Variants in GABPB1 observed in about 807,000 individuals in gnomAD.
GABPB1 encodes the protein GA-binding protein subunit beta-1.
Under a neutral mutation model 45.9 loss-of-function variants are expected in GABPB1, and 15 were observed. That is an observed-to-expected ratio of 0.33 (90% CI 0.22 to 0.50). The LOEUF (loss-of-function observed/expected upper bound fraction) is 0.50, where lower values mean the gene tolerates loss of function less well. Among genes scored for constraint, GABPB1 ranks in the 20% least tolerant of loss-of-function variants. The pLI is 0.98. For synonymous variants in GABPB1, 143 were observed against 154.4 expected, an observed-to-expected ratio of 0.93 and a Z score of 0.55; for missense variants, 252 against 457.5, an observed-to-expected ratio of 0.55 and a Z score of 4.10.
intron 6 of GABPB1, among the ~76,000 whole-genome samples, chr15:50,296,438 C>A (rs1477266705): frequency 6.6e-6 from 1 of 152,156 alleles, no homozygotes; most frequent in Non-Finnish European, 1.5e-5. Context: ...GAAAATTACA[C>A]AAATAATTCA....
intron 1 of GABPB1, among the ~76,000 whole-genome samples, chr15:50,337,075 G>GTGTGTATA (rs1283881585): frequency 4.9e-4 from 7 of 14,182 alleles, no homozygotes; most frequent in Non-Finnish European, 8.1e-4. Context: ...ATATGTGTGT[G>GTGTGTATA]TATATATATA....
At chr15:50,297,104 T>C (rs987744213) in intron 6 of GABPB1, among the ~76,000 whole-genome samples, 7 of 150,924 alleles carry the variant, frequency 4.6e-5, no homozygotes, top group Admixed American at 1.3e-4. Flanking sequence ...AGAGATGGAG[T>C]TTCACCATGT....
intron 2 of GABPB1, among the ~76,000 whole-genome samples, chr15:50,309,223 G>C (rs948682883): frequency 6.6e-6 from 1 of 151,968 alleles, no homozygotes; most frequent in Non-Finnish European, 1.5e-5. Context: ...TCTTTCCATA[G>C]TTGTCAAGAT....
At chr15:50,350,794 G>A (rs912128954) in intron 1 of GABPB1, 2 of 152,054 alleles carry the variant, frequency 1.3e-5, no homozygotes, top group African/African-American at 4.8e-5. Flanking sequence ...AATTTATCTT[G>A]AAAGAGAATT....
At chr15:50,300,137 A>T (rs1253622556) in intron 6 of GABPB1, among the ~76,000 whole-genome samples, 2 of 152,178 alleles carry the variant, frequency 1.3e-5, no homozygotes, top group Non-Finnish European at 2.9e-5. Flanking sequence ...AAAGTCACAA[A>T]CTAGTAAATC....
chr15:50,326,844 AAAAG>A (rs1007660492), intron 1 of GABPB1, among the ~76,000 whole-genome samples: 5 of 152,058 alleles, frequency 3.3e-5, no homozygotes, highest in Non-Finnish European at 5.9e-5. Context: ...TTAAAAAAAA[AAAAG>A]AAAGAAAGAA....
intron 1 of GABPB1, chr15:50,354,024 T>A (rs918688587): frequency 4.2e-6 from 1 of 240,446 alleles, no homozygotes; most frequent in East Asian, 1.8e-4. Context: ...GCAAGAGTAT[T>A]TGTACTGAAA....
At chr15:50,338,729 A>ACCTCCC (rs2141149118) in intron 1 of GABPB1, among the ~76,000 whole-genome samples, 1 of 150,990 alleles carries the variant, frequency 6.6e-6, no homozygotes, top group East Asian at 2.0e-4. Flanking sequence ...CCGGGCCTTG[A>ACCTCCC]AAAGTGCCAG....
intron 8 of GABPB1, among the ~76,000 whole-genome samples, chr15:50,281,959 T>A (rs2045991429): frequency 6.6e-6 from 1 of 151,350 alleles, no homozygotes; most frequent in African/African-American, 2.4e-5. Flanking sequence ...CAAGTGATCC[T>A]CCCACTTCAG....
intron 1 of GABPB1, among the ~76,000 whole-genome samples, chr15:50,337,116 T>C (rs1177639850): frequency 1.4e-4 from 1 of 7,310 alleles, no homozygotes; most frequent in Non-Finnish European, 2.1e-4. Context: ...TATATATATA[T>C]ATATATATAT....
chr15:50,277,370 G>A lies in GABPB1; in HGVS notation c.*1262C>T, dbSNP rs1173869595. ...CCTAGAGGGATTTCAGGGTTAAACAGTTCATAAAGCAATAAAACACTGAAA... is the reference window on the plus strand; with the variant it reads ...CCTAGAGGGATTTCAGGGTTAAACAATTCATAAAGCAATAAAACACTGAAA... On this transcript the variant is annotated 3_prime_UTR_variant, in exon 9 of 9. Transcript: ENST00000380877. 1 of 151,000 alleles carries A rather than the reference G, an allele frequency of 6.6e-6. No homozygotes were observed. Among genetic ancestry groups the A allele is most frequent in the Non-Finnish European group, 1.5e-5 (1 of 67,854 alleles). The allele number at this position is 151,000 out of a possible 1,614,324, so 9.4% of individuals were successfully genotyped here.
intron 1 of GABPB1, among the ~76,000 whole-genome samples, chr15:50,347,251 A>G (rs11637901): frequency 0.49 from 74,969 of 151,862 alleles, 19,588 homozygotes; most frequent in Middle Eastern, 0.65. Context: ...CACTTAGGGC[A>G]AGAAACTGAG....
At chr15:50,343,356 C>T (rs570295003) in intron 1 of GABPB1, among the ~76,000 whole-genome samples, 1 of 152,096 alleles carries the variant, frequency 6.6e-6, no homozygotes, top group African/African-American at 2.4e-5. Flanking sequence ...GCTCTAGCCA[C>T]AAAAGTCAGC....
rs1262851090 is a variant in GABPB1 at position 50,276,099 on chromosome 15, T to C, written c.*2533A>G. ...CAGAACCCTGGTTGAGAAAGGTTGC[T>C]CCAGGTGTTTGTTCACACATATGTG... On this transcript the variant is annotated 3_prime_UTR_variant, in exon 9 of 9. Transcript: ENST00000380877. The C allele has an allele frequency of 6.6e-6, 1 of 152,226 alleles. No homozygotes were observed. Among genetic ancestry groups the C allele is most frequent in the Non-Finnish European group, 1.5e-5 (1 of 68,032 alleles). The allele number at this position is 152,226 out of a possible 1,614,324, so 9.4% of individuals were successfully genotyped here. A position where few individuals can be genotyped will look rare whatever the true frequency, so the allele number is the denominator to read the frequency against.
chr15:50,292,327 A>AG (rs2140995151), intron 6 of GABPB1, among the ~76,000 whole-genome samples: 1 of 151,940 alleles, frequency 6.6e-6, no homozygotes, highest in East Asian at 1.9e-4. Flanking sequence ...AAAAAAAAAA[A>AG]AAAAAAAAAA....
intron 1 of GABPB1, among the ~76,000 whole-genome samples, chr15:50,341,065 GTA>G (rs921469877): frequency 6.6e-6 from 1 of 151,120 alleles, no homozygotes; most frequent in Non-Finnish European, 1.5e-5. Flanking sequence ...TTTTAAATTT[GTA>G]TATATTTTTT....
intron 1 of GABPB1, among the ~76,000 whole-genome samples, chr15:50,346,587 GTTTTTT>G (rs67151288): frequency 6.7e-5 from 8 of 119,906 alleles, no homozygotes; most frequent in Non-Finnish European, 1.2e-4. Context: ...ACAACAGAAA[GTTTTTT>G]TTTTTTTTTT....
chr15:50,291,521 T>G (rs2046341535), intron 6 of GABPB1, among the ~76,000 whole-genome samples: 1 of 150,760 alleles, frequency 6.6e-6, no homozygotes, highest in African/African-American at 2.4e-5. Flanking sequence ...TAGAGACGGG[T>G]TACACCATAT....
Position 50,325,205 on chromosome 15 carries a change from T to C in GABPB1, c.1-15407A>G, listed in dbSNP as rs111363667. Among the ~76,000 whole-genome samples the C allele has an allele frequency of 3.7e-3, 565 of 151,276 alleles. 4 individuals carry two copies. The highest frequency in any genetic ancestry group is 0.02 in the Middle Eastern group (6 of 294). Reference sequence around the variant, plus strand: ...GAGGAAGAGGGACAAGTGTACCCCATGGTAAGTGGGCCTAGATCAAGACTT... The same window carrying C: ...GAGGAAGAGGGACAAGTGTACCCCACGGTAAGTGGGCCTAGATCAAGACTT... On this transcript the variant is annotated intron_variant, in intron 1 of 8. Transcript: ENST00000380877.
Sources: gnomAD v4.1 joint callset for allele counts (sites outside exome capture counted in the v4.1 genomes callset) on GRCh38, gnomAD v4.1.1 for gene constraint, MANE v1.5 for transcripts, NCBI Gene and HGNC (gene_info 2026-07-23, HGNC 2026-07-21) for gene names.